SLC43A2: variants seen among roughly 807,000 people sequenced by gnomAD.
SLC43A2 encodes the protein solute carrier family 43 member 2.
In SLC43A2, 38 loss-of-function variants were observed where a neutral mutation model predicts 63.2. The observed-to-expected ratio is 0.60, with a 90% CI of 0.46 to 0.79. The LOEUF is 0.79. SLC43A2 is among the 30% of genes least tolerant of loss of function. The pLI is 0.00. For missense variants in SLC43A2, 644 were observed against 756.2 expected (o/e 0.85, Z 1.74); for synonymous variants, 322 against 331.0 (o/e 0.97, Z 0.30).
At chr17:1,615,581 C>T (rs1484298039) in intron 3 of SLC43A2, among the ~76,000 whole-genome samples, 3 of 149,780 alleles carry the variant, frequency 2.0e-5, no homozygotes, top group Non-Finnish European at 4.4e-5. Context: ...CGATGGCTCA[C>T]GCCTGTAATC....
At chr17:1,586,930 C>CCCCCCCCCCCCCCCCCCCCCCCCT in intron 9 of SLC43A2, 1 of 783,192 alleles carries the variant, frequency 1.3e-6, no homozygotes. Context: ...CCTGACAATC[C>CCCCCCCCCCCCCCCCCCCCCCCCT]CCCCCACCCC....
intron 3 of SLC43A2, among the ~76,000 whole-genome samples, chr17:1,615,510 A>G (rs1652348371): frequency 6.6e-6 from 1 of 151,296 alleles, no homozygotes; most frequent in South Asian, 2.1e-4. Flanking sequence ...TTGGGCAACA[A>G]CAGCAAAACT....
intron 2 of SLC43A2, among the ~76,000 whole-genome samples, chr17:1,620,658 TCTC>T (rs565835451): frequency 1.1e-3 from 166 of 151,970 alleles, no homozygotes; most frequent in African/African-American, 3.8e-3. Flanking sequence ...GTGAGCGGCT[TCTC>T]CTTCTGCTTG....
chr17:1,604,994 C>A lies in SLC43A2; in HGVS notation c.501+8201G>T, dbSNP rs931676685. 3.5e-5 allele frequency: 50 copies of A among 1,439,102 alleles called. 1 individual carries two copies. The highest frequency in any genetic ancestry group is 1.3e-4 in the Admixed American group (5 of 39,644). The allele number at this position is 1,439,102 out of a possible 1,614,324, so 89.1% of individuals were successfully genotyped here. On this transcript the variant is annotated intron_variant, in intron 5 of 13. Transcript: ENST00000301335. Reference sequence around the variant, plus strand: ...CCCTAGCGCGGGCCTCGAGGGCTGGCGGAGGGGAAGGACCCCAGGAGGGGA... The same window carrying A: ...CCCTAGCGCGGGCCTCGAGGGCTGGAGGAGGGGAAGGACCCCAGGAGGGGA...
At chr17:1,592,310 C>G (rs1470880328) in intron 6 of SLC43A2, among the ~76,000 whole-genome samples, 2 of 152,210 alleles carry the variant, frequency 1.3e-5, no homozygotes, top group Admixed American at 6.5e-5. Flanking sequence ...ACCTGTAATC[C>G]TAGCTCCTTG....
At chr17:1,615,723 G>A (rs1056931707) in intron 3 of SLC43A2, among the ~76,000 whole-genome samples, 1 of 147,652 alleles carries the variant, frequency 6.8e-6, no homozygotes, top group Non-Finnish European at 1.5e-5. Context: ...GGCGCCTGTG[G>A]TCCCAGCTAC....
chr17:1,592,368 A>AAC (rs1904899859), intron 6 of SLC43A2, among the ~76,000 whole-genome samples: 1 of 152,226 alleles, frequency 6.6e-6, no homozygotes, highest in Non-Finnish European at 1.5e-5. Flanking sequence ...TGGAGGTTGC[A>AAC]GTGAGCCGAG....
chr17:1,580,180 A>G (rs1235515350), intron 11 of SLC43A2, among the ~76,000 whole-genome samples: 1 of 152,164 alleles, frequency 6.6e-6, no homozygotes, highest in Non-Finnish European at 1.5e-5. Flanking sequence ...GGCCTCCCAA[A>G]GTGCTGGGAT....
chr17:1,591,489 T>C lies in SLC43A2; in HGVS notation c.729-18A>G. ...TCTTCACCCTGGGGCCCCGGGAGAG[T>C]GTCTGTGGGTGCTGCCCGGGACCCC... On this transcript the variant is annotated intron_variant, in intron 7 of 13. Coordinates refer to ENST00000301335, the MANE Select transcript of SLC43A2 (RefSeq NM_152346.3). The C allele has an allele frequency of 6.2e-7, 1 of 1,610,914 alleles. No homozygotes were observed. Among genetic ancestry groups the C allele is most frequent in the Non-Finnish European group, 8.5e-7 (1 of 1,179,340 alleles).
intron 9 of SLC43A2, chr17:1,586,933 C>G (rs1486782234): frequency 1.4e-6 from 2 of 1,470,798 alleles, no homozygotes; most frequent in Non-Finnish European, 1.8e-6. Context: ...GACAATCCCC[C>G]CCACCCCCCG....
chr17:1,606,669 G>C lies in SLC43A2; in HGVS notation c.501+6526C>G, dbSNP rs1193650524. On this transcript the variant is annotated intron_variant, in intron 5 of 13. Transcript: ENST00000301335. This position sits in a 1 kb window ranked among gnomAD's most constrained non-coding sequence, Gnocchi z 4.7. ...CTCCAGCCGATGAAGCGAGTGCAAA[G>C]GGCTGTACAAACGCGAGGCACTGAA... is the stretch of plus-strand genomic sequence containing the variant. 6.6e-6 allele frequency among the ~76,000 whole-genome samples: 1 copy of C among 152,230 alleles called. No individual in the cohort carries two copies. Among genetic ancestry groups the C allele is most frequent in the African/African-American group, 2.4e-5 (1 of 41,466 alleles).
rs560662663 is a variant in SLC43A2, at chr17:1,594,868, G to A, written c.502-1589C>T. ...CTCCCAAAGTGCTGGGATTACAGGC[G>A]TGAGCCACCGCGCCCAACCTTTTTT... On this transcript the variant is annotated intron_variant, in intron 5 of 13. Coordinates refer to ENST00000301335, the MANE Select transcript of SLC43A2 (RefSeq NM_152346.3). Among the ~76,000 whole-genome samples the A allele has an allele frequency of 2.3e-3, 352 of 151,692 alleles. 3 individuals are homozygous for A. Among genetic ancestry groups the A allele is most frequent in the African/African-American group, 8.0e-3 (331 of 41,180 alleles).
chr17:1,586,383 G>A (rs1411311395), intron 9 of SLC43A2, among the ~76,000 whole-genome samples: 2 of 152,108 alleles, frequency 1.3e-5, no homozygotes, highest in Non-Finnish European at 2.9e-5. Flanking sequence ...GTGACGGGCC[G>A]TTAGTTTCTG....
At chr17:1,618,481 G>A (rs918114086) in intron 2 of SLC43A2, among the ~76,000 whole-genome samples, 2 of 152,230 alleles carry the variant, frequency 1.3e-5, no homozygotes, top group Admixed American at 6.5e-5. Context: ...TGGAGGCTCC[G>A]GCGGGGAATC....
chr17:1,616,395 T>C, intron 3 of SLC43A2, 167 bp downstream of exon 3: 2 of 671,820 alleles, frequency 3.0e-6, no homozygotes, highest in Non-Finnish European at 5.0e-6. Context: ...AGGACCACAG[T>C]ACCTGCTGAT....
At chr17:1,581,485 G>A (rs955872186) in intron 11 of SLC43A2, among the ~76,000 whole-genome samples, 8 of 152,162 alleles carry the variant, frequency 5.3e-5, no homozygotes, top group Admixed American at 1.3e-4. Flanking sequence ...GTGTTGGCAC[G>A]TACACACAAC....
At chr17:1,620,093 G>C (rs112308705) in intron 2 of SLC43A2, among the ~76,000 whole-genome samples, 1 of 152,144 alleles carries the variant, frequency 6.6e-6, no homozygotes, top group Non-Finnish European at 1.5e-5. Context: ...GGCCAGGCAC[G>C]GTGGCTCACG....
chr17:1,586,928 T>TGGCGCCCCCC, intron 9 of SLC43A2: 2 of 1,232,908 alleles, frequency 1.6e-6, no homozygotes, highest in Non-Finnish European at 2.2e-6. Flanking sequence ...TCCCTGACAA[T>TGGCGCCCCCC]CCCCCCCACC....
At chr17:1,586,927 A>AGGGGCC in intron 9 of SLC43A2, 1 of 1,355,926 alleles carries the variant, frequency 7.4e-7, no homozygotes, top group Non-Finnish European at 1.0e-6. Flanking sequence ...TTCCCTGACA[A>AGGGGCC]TCCCCCCCAC....
Sources: gnomAD v4.1 joint callset for allele counts (sites outside exome capture counted in the v4.1 genomes callset) on GRCh38, gnomAD v4.1.1 for gene constraint, Gnocchi (gnomAD v3.1) non-coding constraint, MANE v1.5 for transcripts, NCBI Gene and HGNC (gene_info 2026-07-23, HGNC 2026-07-21) for gene names.